ZNF438: variants seen among roughly 807,000 people sequenced by gnomAD.
The protein encoded by ZNF438 is zinc finger protein 438.
In ZNF438, 25 loss-of-function variants were observed where a neutral mutation model predicts 38.0. The observed-to-expected ratio is 0.66, with a 90% CI of 0.48 to 0.92. The LOEUF (loss-of-function observed/expected upper bound fraction) is 0.92, where lower values mean the gene tolerates loss of function less well. ZNF438 is among the 40% of genes least tolerant of loss of function. ZNF438 has a pLI of 0.00. For synonymous variants in ZNF438, 372 were observed against 364.1 expected (o/e 1.02, Z -0.25); for missense variants, 1,007 against 999.6 (o/e 1.01, Z -0.10).
At position 30,930,803 on chromosome 10, in the gene ZNF438, C is replaced by CAAAAAAAAAAAAAAAAAAAAAAA. The variant is rs71527620; in HGVS notation, c.-115+10749_-115+10771dup. On this transcript the variant is annotated intron_variant, in intron 2 of 5. Transcript: ENST00000413025. ...GCCTGGCGACAGAGAGAAACTCAGTCAAAAAAAAAAAAAAAAAAAAAAAAA... is the reference window on the plus strand; with the variant it reads ...GCCTGGCGACAGAGAGAAACTCAGTCAAAAAAAAAAAAAAAAAAAAAAAAAAAAAAAAAAAAAAAAAAAAAAAA... 1.2e-3 allele frequency among the ~76,000 whole-genome samples: 47 copies of CAAAAAAAAAAAAAAAAAAAAAAA among 38,432 alleles called. 6 individuals are homozygous for CAAAAAAAAAAAAAAAAAAAAAAA. The highest frequency in any genetic ancestry group is 1.7e-3 in the East Asian group (1 of 590). 25.2% of individuals were successfully genotyped at this position (38,432 alleles called of 152,430 possible).
intron 5 of ZNF438, 23 bp downstream of exon 6, chr10:30,848,508 G>A: frequency 1.3e-6 from 2 of 1,586,536 alleles, no homozygotes; most frequent in Non-Finnish European, 1.7e-6. Flanking sequence ...CTCTTGCCAG[G>A]TCTCCATTAC....
intron 2 of ZNF438, among the ~76,000 whole-genome samples, chr10:30,923,119 G>T (rs1436141177): frequency 1.3e-5 from 2 of 152,304 alleles, no homozygotes; most frequent in Non-Finnish European, 2.9e-5. Context: ...ATTGTCAGTA[G>T]AAACATTATT....
At chr10:30,976,972 T>C (rs1456901974) in intron 1 of ZNF438, among the ~76,000 whole-genome samples, 1 of 152,168 alleles carries the variant, frequency 6.6e-6, no homozygotes, top group Non-Finnish European at 1.5e-5. Context: ...AGGTATCTCA[T>C]AAAGAAAACT....
intron 2 of ZNF438, among the ~76,000 whole-genome samples, chr10:30,918,311 G>A (rs1000433787): frequency 6.6e-6 from 1 of 152,016 alleles, no homozygotes; most frequent in East Asian, 1.9e-4. Flanking sequence ...TTACAAAAAG[G>A]CCCGTGGATT....
At chr10:31,023,776 A>G (rs1160908114) in intron 1 of ZNF438, among the ~76,000 whole-genome samples, 10 of 152,330 alleles carry the variant, frequency 6.6e-5, no homozygotes, top group South Asian at 4.1e-4. Flanking sequence ...GCCAATCAGC[A>G]ACTGCCCCGC....
intron 3 of ZNF438, among the ~76,000 whole-genome samples, chr10:30,903,259 G>A (rs981947181): frequency 2.6e-5 from 4 of 152,174 alleles, no homozygotes; most frequent in African/African-American, 4.8e-5. Flanking sequence ...GTGCAGCGGC[G>A]GGCTGAAGGA....
intron 3 of ZNF438, among the ~76,000 whole-genome samples, chr10:30,891,236 C>T (rs375722649): frequency 2.0e-5 from 3 of 151,918 alleles, no homozygotes; most frequent in African/African-American, 7.2e-5. Context: ...CTTTTTTTCC[C>T]CCTTGAATTC....
At chr10:31,001,967 C>T (rs534050109) in intron 1 of ZNF438, among the ~76,000 whole-genome samples, 1 of 152,210 alleles carries the variant, frequency 6.6e-6, no homozygotes, top group African/African-American at 2.4e-5. Context: ...AGGGATGCCC[C>T]CAGGATCTGA....
chr10:31,022,111 G>A (rs2056638465), intron 1 of ZNF438, among the ~76,000 whole-genome samples: 1 of 152,160 alleles, frequency 6.6e-6, no homozygotes, highest in Admixed American at 6.5e-5. Context: ...GTGACAAAAA[G>A]TGGATTTTAT....
At chr10:30,991,478 G>A (rs1291292175) in intron 1 of ZNF438, among the ~76,000 whole-genome samples, 2 of 152,206 alleles carry the variant, frequency 1.3e-5, no homozygotes, top group Non-Finnish European at 1.5e-5. Context: ...AAGAAGACAA[G>A]TGGCTAATGC....
intron 1 of ZNF438, among the ~76,000 whole-genome samples, chr10:30,944,592 T>A (rs759536705): frequency 6.6e-6 from 1 of 152,172 alleles, no homozygotes; most frequent in South Asian, 2.1e-4. Context: ...CCCAGTTCAG[T>A]TGACGAATGC....
chr10:31,027,687 C>T (rs1016558369), intron 1 of ZNF438, among the ~76,000 whole-genome samples: 3 of 152,092 alleles, frequency 2.0e-5, no homozygotes. Context: ...AAAGACTAAT[C>T]ATTTCAACTC....
chr10:30,924,369 G>T (rs916265121), intron 2 of ZNF438, among the ~76,000 whole-genome samples: 1 of 152,182 alleles, frequency 6.6e-6, no homozygotes, highest in African/African-American at 2.4e-5. Context: ...GAAATGTAAC[G>T]ATGTGTGAGA....
chr10:30,931,011 T>C (rs1352419749), intron 2 of ZNF438, among the ~76,000 whole-genome samples: 1 of 152,126 alleles, frequency 6.6e-6, no homozygotes, highest in Non-Finnish European at 1.5e-5. Context: ...TTGCAGTCAC[T>C]GGGCTATGCC....
chr10:31,005,635 TAA>T lies in ZNF438; in HGVS notation c.-192+26196_-192+26197del, dbSNP rs2055056296. Among the ~76,000 whole-genome samples, 3 of 151,794 alleles carry T rather than the reference TAA, an allele frequency of 2.0e-5. No homozygotes were observed. The East Asian group carries it at 5.8e-4, about 29-fold the overall frequency. ...ACTGTACTGTATTTGAGATTTTTGC[TAA>T]AAGAGATTTTCCTGCCACTAAAAAG... On this transcript the variant is annotated intron_variant, in intron 1 of 5. Transcript: ENST00000413025.
chr10:30,924,363 T>C (rs1298777659), intron 2 of ZNF438, among the ~76,000 whole-genome samples: 1 of 152,104 alleles, frequency 6.6e-6, no homozygotes, highest in African/African-American at 2.4e-5. Context: ...AGGGAAGAAA[T>C]GTAACGATGT....
intron 1 of ZNF438, among the ~76,000 whole-genome samples, chr10:30,974,413 C>T (rs2051103061): frequency 6.6e-6 from 1 of 152,118 alleles, no homozygotes; most frequent in Admixed American, 6.5e-5. Context: ...TTCAAGGCTG[C>T]AGTAAGCTAT....
intron 3 of ZNF438, among the ~76,000 whole-genome samples, chr10:30,900,149 G>T (rs1236661890): frequency 2.6e-5 from 4 of 152,034 alleles, no homozygotes; most frequent in Non-Finnish European, 5.9e-5. Context: ...TATTTACAAA[G>T]TTCCAATAAA....
intron 3 of ZNF438, among the ~76,000 whole-genome samples, chr10:30,877,450 A>C (rs1197315546): frequency 6.6e-6 from 1 of 152,262 alleles, no homozygotes; most frequent in Non-Finnish European, 1.5e-5. Context: ...TATAATTGTA[A>C]TATAATCATT....
Sources: allele counts gnomAD v4.1 joint callset (sites outside exome capture counted in the v4.1 genomes callset), GRCh38; gene constraint gnomAD v4.1.1; transcripts MANE v1.5; gene names NCBI Gene and HGNC (gene_info 2026-07-23, HGNC 2026-07-21).